Variants in SIK3 observed in about 807,000 individuals in gnomAD.
SIK3 encodes the protein serine/threonine-protein kinase SIK3.
SIK3 carries 28 observed loss-of-function variants against 144.2 expected under a neutral mutation model. The ratio of observed to expected loss-of-function variants is 0.19; its 90% CI spans 0.14 to 0.27. SIK3 has a LOEUF of 0.27. Ranked by LOEUF, SIK3 falls within the 10% of genes least tolerant of loss-of-function variation. The probability of loss-of-function intolerance (pLI) is 1.00; values close to 1 mark genes in which losing one functional copy is unlikely to be tolerated. For synonymous variants in SIK3, 686 were observed against 676.3 expected (o/e 1.01, Z -0.22); for missense variants, 1,319 against 1,776.0 (o/e 0.74, Z 4.62).
chr11:116,859,257 G>A lies in SIK3; in HGVS notation c.2765+8C>T, dbSNP rs530542893. On this transcript the variant is annotated splice_region_variant and intron_variant, in intron 20 of 24. Coordinates refer to ENST00000445177, the MANE Select transcript of SIK3 (RefSeq NM_001366686.3). ...CATAGATGGCTGGGTGACGTTAGGC[G>A]GTCTTACCTGTGAGCCTCTGCACTG... The A allele has an allele frequency of 2.6e-5, 41 of 1,593,742 alleles. No homozygotes were observed. In the East Asian group the frequency reaches 3.4e-4, roughly 13 times the overall value.
intron 3 of SIK3, among the ~76,000 whole-genome samples, chr11:116,945,205 C>T (rs1018833690): frequency 1.3e-5 from 2 of 151,910 alleles, no homozygotes; most frequent in Non-Finnish European, 2.9e-5. Flanking sequence ...GTGATCCGCC[C>T]GCCTCAGCCT....
At chr11:117,030,396 T>C (rs192171987) in intron 1 of SIK3, among the ~76,000 whole-genome samples, 2 of 152,276 alleles carry the variant, frequency 1.3e-5, no homozygotes, top group Non-Finnish European at 2.9e-5. Context: ...TTACTGTACA[T>C]CCATACAACA....
chr11:116,848,358 A>G (rs1942166497), intron 22 of SIK3, among the ~76,000 whole-genome samples: 1 of 150,774 alleles, frequency 6.6e-6, no homozygotes, highest in Non-Finnish European at 1.5e-5. Context: ...AAAAATAATA[A>G]TAATAAAAAA....
intron 3 of SIK3, among the ~76,000 whole-genome samples, chr11:116,942,296 T>C (rs1056030764): frequency 7.9e-5 from 12 of 152,196 alleles, no homozygotes; most frequent in Non-Finnish European, 1.5e-4. Flanking sequence ...TTAAACGCCA[T>C]AATCAGCAAT....
chr11:116,897,174 A>G lies in SIK3; in HGVS notation c.741+19T>C. ...AGGGTAGCTAATGCTGTGGGGTATA[A>G]GAGAAGGCAGTTACTTACCCAGATG... On this transcript the variant is annotated intron_variant, in intron 5 of 24. Coordinates refer to ENST00000445177, the MANE Select transcript of SIK3 (RefSeq NM_001366686.3). 1 of 1,612,924 alleles carries G rather than the reference A, an allele frequency of 6.2e-7. No homozygotes were observed. The highest frequency in any genetic ancestry group is 8.5e-7 in the Non-Finnish European group (1 of 1,179,452).
Position 116,931,431 on chromosome 11 carries a change from G to A in SIK3, c.455-4051C>T, listed in dbSNP as rs533056051. On this transcript the variant is annotated intron_variant, in intron 3 of 24. Transcript: ENST00000445177. ...TATGCCACTAATGGGATAGTGGTGC[G>A]GAGCCAACATTTCTTAAAATAAGTC... Among the ~76,000 whole-genome samples, 6 of 152,256 alleles carry A rather than the reference G, an allele frequency of 3.9e-5. No homozygotes were observed. The East Asian group carries it at 5.8e-4, about 15-fold the overall frequency.
chr11:116,887,054 T>TA (rs1261027703), intron 6 of SIK3, among the ~76,000 whole-genome samples: 2 of 152,120 alleles, frequency 1.3e-5, no homozygotes, highest in Non-Finnish European at 1.5e-5. Context: ...AAACACCCTT[T>TA]TACACCTAAA....
At chr11:116,981,397 A>G (rs1002080721) in intron 1 of SIK3, among the ~76,000 whole-genome samples, 3 of 152,224 alleles carry the variant, frequency 2.0e-5, no homozygotes, top group African/African-American at 7.2e-5. Flanking sequence ...GGGTTCCAAG[A>G]ATGAGCATCC....
rs1441738931 is a variant in SIK3, at chr11:116,844,628, T to A, written c.*1015A>T. On this transcript the variant is annotated 3_prime_UTR_variant, in exon 25 of 25. Transcript: ENST00000445177. ...ATATATTATATATATAATATATATA[T>A]AATATATTATATTATATATTATATA... The A allele has an allele frequency of 1.8e-5, 1 of 56,704 alleles. No homozygotes were observed. The highest frequency in any genetic ancestry group is 3.2e-4 in the South Asian group (1 of 3,170). 3.5% of individuals were successfully genotyped at this position (56,704 alleles called of 1,614,324 possible). A position where few individuals can be genotyped will look rare whatever the true frequency, so the allele number is the denominator to read the frequency against.
In SIK3 at chr11:116,846,840, T is replaced by C. The variant is rs2134267712; in HGVS notation, c.3953-287A>G. Among the ~76,000 whole-genome samples the C allele has an allele frequency of 6.6e-6, 1 of 152,314 alleles. No homozygotes were observed. Among genetic ancestry groups the C allele is most frequent in the Middle Eastern group, 3.4e-3 (1 of 294 alleles). ...TGTAGTGTGAGAGAAGATAGAGGAC[T>C]CCTTCAGAAAGGATCACCTCTTAAA... On this transcript the variant is annotated intron_variant, in intron 23 of 24. Coordinates refer to ENST00000445177, the MANE Select transcript of SIK3 (RefSeq NM_001366686.3). The surrounding 1 kb of genome is among the most constrained non-coding windows in gnomAD (Gnocchi z 4.1).
At position 117,016,241 on chromosome 11, in the gene SIK3, G is replaced by T. The variant is rs149439525; in HGVS notation, c.274-59177C>A. On this transcript the variant is annotated intron_variant, in intron 1 of 24. Transcript: ENST00000445177. ...CTCAGGAGGCTGAGGCAGGAGAATC[G>T]CTCGAACCCAGGAGGCGGCCCTTGC... Among the ~76,000 whole-genome samples, 860 of 148,074 alleles carry T rather than the reference G, an allele frequency of 5.8e-3. 10 individuals carry two copies. The highest frequency in any genetic ancestry group is 0.02 in the African/African-American group (805 of 40,044).
intron 1 of SIK3, 144 bp downstream of exon 1, chr11:117,097,999 C>T: frequency 1.8e-6 from 2 of 1,117,374 alleles, no homozygotes; most frequent in Non-Finnish European, 2.2e-6. Context: ...GCGCCCGCCC[C>T]GCCGCGGCTG....
intron 6 of SIK3, among the ~76,000 whole-genome samples, chr11:116,878,582 G>A (rs1944385772): frequency 2.6e-5 from 4 of 152,110 alleles, no homozygotes; most frequent in Admixed American, 6.5e-5. Flanking sequence ...GTTTCACCAT[G>A]TTGGCCAGGC....
intron 16 of SIK3, 132 bp from the exon 17 acceptor site, chr11:116,862,459 C>A: frequency 9.2e-7 from 1 of 1,091,800 alleles, no homozygotes; most frequent in Admixed American, 2.0e-5. Flanking sequence ...CCTTGATGAG[C>A]AATTAACTCA....
chr11:116,866,324 G>A (rs1943632678), intron 15 of SIK3, among the ~76,000 whole-genome samples: 1 of 151,908 alleles, frequency 6.6e-6, no homozygotes, highest in South Asian at 2.1e-4. Flanking sequence ...AGGAGACAAG[G>A]AGAAAAGAAG....
chr11:117,080,293 T>C (rs1404154975), intron 1 of SIK3, among the ~76,000 whole-genome samples: 1 of 151,206 alleles, frequency 6.6e-6, no homozygotes, highest in African/African-American at 2.5e-5. Flanking sequence ...CTGAGTGAAT[T>C]GGCATGGCCT....
intron 3 of SIK3, among the ~76,000 whole-genome samples, chr11:116,938,368 G>A (rs1303759162): frequency 2.4e-4 from 3 of 12,682 alleles, no homozygotes; most frequent in Admixed American, 1.5e-3. Flanking sequence ...GGAGGGGAGG[G>A]GAGGGGAGGG....
Position 116,849,463 on chromosome 11 carries a change from G to T in SIK3, c.3656-180C>A, listed in dbSNP as rs536526830. Among the ~76,000 whole-genome samples, 1 of 152,144 alleles carries T rather than the reference G, an allele frequency of 6.6e-6. No individual in the cohort carries two copies. The highest frequency in any genetic ancestry group is 1.5e-5 in the Non-Finnish European group (1 of 68,030). On this transcript the variant is annotated intron_variant, in intron 21 of 24. Transcript: ENST00000445177. The surrounding 1 kb of genome is among the most constrained non-coding windows in gnomAD (Gnocchi z 4.2). ...AGCCTGGACCAGCCCTCCAAAAGAC[G>T]AGCTGTAGGGGAGGGGACCACACCC...
At chr11:116,995,325 G>A (rs577980281) in intron 1 of SIK3, among the ~76,000 whole-genome samples, 4 of 148,780 alleles carry the variant, frequency 2.7e-5, no homozygotes, top group Admixed American at 6.7e-5. Context: ...GTGCAGTGGC[G>A]TGATCTTGGC....
Sources: gnomAD v4.1 joint callset for allele counts (sites outside exome capture counted in the v4.1 genomes callset) on GRCh38, gnomAD v4.1.1 for gene constraint, Gnocchi (gnomAD v3.1) non-coding constraint, MANE v1.5 for transcripts, NCBI Gene and HGNC (gene_info 2026-07-23, HGNC 2026-07-21) for gene names.